NR1I3: variants seen among roughly 807,000 people sequenced by gnomAD.
NR1I3 encodes nuclear receptor subfamily 1 group I member 3, also known as constitutive activator of retinoid response.
Under a neutral mutation model 38.4 loss-of-function variants are expected in NR1I3, and 30 were observed. The observed-to-expected ratio is 0.78, with a 90% CI of 0.58 to 1.06. The LOEUF is 1.06. Among genes scored for constraint, NR1I3 ranks in the 50% least tolerant of loss-of-function variants. The pLI, the probability that NR1I3 is intolerant of heterozygous loss-of-function variation, is 0.00. For synonymous variants in NR1I3, 143 were observed against 165.1 expected, an observed-to-expected ratio of 0.87 and a Z score of 1.03; for missense variants, 388 against 435.7, an observed-to-expected ratio of 0.89 and a Z score of 0.97.
At chr1:161,230,771 C>G in intron 8 of NR1I3, 42 bp downstream of exon 8, 1 of 1,613,118 alleles carries the variant, frequency 6.2e-7, no homozygotes, top group African/African-American at 1.3e-5. Flanking sequence ...CAACCCCTTC[C>G]TGCCCTGGTG....
chr1:161,230,266 T>G (rs1284531721), intron 8 of NR1I3: 1 of 347,168 alleles, frequency 2.9e-6, no homozygotes, highest in East Asian at 6.7e-5. Context: ...ATGTGTTCTA[T>G]GGTATAAAGC....
Position 161,231,985 on chromosome 1 carries a change from C to G in NR1I3, c.549-511G>C, listed in dbSNP as rs138260592. 4.2e-3 allele frequency among the ~76,000 whole-genome samples: 641 copies of G among 151,348 alleles called. 5 individuals carry two copies. Among genetic ancestry groups the G allele is most frequent in the African/African-American group, 0.015 (621 of 41,242 alleles). On this transcript the variant is annotated intron_variant, in intron 5 of 8. Transcript: ENST00000367983. The stretch of plus-strand genomic sequence containing the variant: ...CCGACAAGGGCACCTTATTATTATT[C>G]TTATTAATTAATTTATTTTTGAGAC...
chr1:161,233,833 ATATATGTGTGTGTGTGTG>A (rs1228952441), intron 3 of NR1I3, among the ~76,000 whole-genome samples: 81 of 110,692 alleles, frequency 7.3e-4, no homozygotes, highest in African/African-American at 2.9e-3. Flanking sequence ...TTCATCATAT[ATATATGTGTGTGTGTGTG>A]TGTGTGTGTG....
At position 161,229,683 on chromosome 1, in the gene NR1I3, C is replaced by T. The variant is rs766275202; in HGVS notation, c.*114G>A. ...AGAGGCAGTTATTGCTTTAGTCTTT[C>T]ATTGCAACCACTGGGCTCCCTTTGA... On this transcript the variant is annotated 3_prime_UTR_variant, in exon 9 of 9. Coordinates refer to ENST00000367983, the MANE Select transcript of NR1I3 (RefSeq NM_005122.5). The T allele has an allele frequency of 1.2e-6, 2 of 1,614,032 alleles. No individual in the cohort carries two copies. The highest frequency in any genetic ancestry group is 1.7e-5 in the Admixed American group (1 of 60,034).
chr1:161,230,429 C>A, intron 8 of NR1I3: 1 of 400,226 alleles, frequency 2.5e-6, no homozygotes, highest in Non-Finnish European at 4.4e-6. Flanking sequence ...AATGAGAAAT[C>A]GAAGGAATTG....
intron 3 of NR1I3, among the ~76,000 whole-genome samples, chr1:161,234,110 A>G (rs1668078346): frequency 6.6e-6 from 1 of 151,378 alleles, no homozygotes; most frequent in Non-Finnish European, 1.5e-5. Context: ...TCCCTGCCTC[A>G]GCCTCCTGAC....
intron 2 of NR1I3, 60 bp downstream of exon 2, chr1:161,236,399 A>G: frequency 6.2e-7 from 1 of 1,602,318 alleles, no homozygotes; most frequent in East Asian, 2.2e-5. Context: ...GAGGGTGTAA[A>G]GGCTGACTAA....
intron 1 of NR1I3, among the ~76,000 whole-genome samples, 163 bp downstream of exon 1, chr1:161,237,878 T>C (rs1169322421): frequency 1.3e-5 from 2 of 151,632 alleles, no homozygotes; most frequent in Non-Finnish European, 2.9e-5. Context: ...AGAGATGGGG[T>C]CTGTTATGTA....
At chr1:161,231,068 T>A (rs747438927) in intron 7 of NR1I3, 49 bp downstream of exon 7, 1 of 1,614,020 alleles carries the variant, frequency 6.2e-7, no homozygotes, top group Admixed American at 1.7e-5. Context: ...GCTGAGTATT[T>A]GGGCAGAGGT....
rs1200543677 is a variant in NR1I3 at position 161,231,166 on chromosome 1, G to A, written c.762C>T (p.Leu254=). 1.2e-6 allele frequency: 2 copies of A among 1,614,114 alleles called. No homozygotes were observed. Among genetic ancestry groups the A allele is most frequent in the Non-Finnish European group, 1.7e-6 (2 of 1,180,028 alleles). ...HFHGTLRKLQ[L]QEPEYVLLAA... is the part of the protein sequence containing the mutation. ...CCAAGAGCACATACTCAGGCTCTTG[G>A]AGCTGCAGTTTTCGTAGTGTTCCAT... Residue 254 remains leucine (L), a synonymous_variant, in exon 7 of 9, where the codon CTC becomes CTT. Transcript: ENST00000367983.
intron 2 of NR1I3, 65 bp downstream of exon 2, chr1:161,236,394 T>A: frequency 6.4e-7 from 1 of 1,573,922 alleles, no homozygotes; most frequent in Non-Finnish European, 8.6e-7. Flanking sequence ...CCAGCGAGGG[T>A]GTAAAGGCTG....
intron 2 of NR1I3, 174 bp from the exon 3 acceptor site, chr1:161,236,151 C>A: frequency 2.7e-6 from 2 of 743,868 alleles, no homozygotes; most frequent in South Asian, 3.8e-5. Context: ...CATGGCAACA[C>A]AGGATCACTC....
rs1414817933 is a variant in NR1I3, at chr1:161,236,620, A to G, written c.-33-22T>C. 4 of 1,608,686 alleles carry G rather than the reference A, an allele frequency of 2.5e-6. No homozygotes were observed. The East Asian group carries it at 8.9e-5, about 36-fold the overall frequency. ...ACTCCTGAATGTAGGAGGGGTCAGC[A>G]GTCAGTTTTGGGCCACCCTTGACCC... is the stretch of plus-strand genomic sequence containing the variant. On this transcript the variant is annotated intron_variant, in intron 1 of 8. Transcript: ENST00000367983.
At chr1:161,236,916 T>A (rs1174493422) in intron 1 of NR1I3, among the ~76,000 whole-genome samples, 3 of 129,376 alleles carry the variant, frequency 2.3e-5, no homozygotes, top group African/African-American at 7.3e-5. Flanking sequence ...TATTTATTTA[T>A]TTTTTTTGTA....
At chr1:161,229,953 G>T in intron 8 of NR1I3, 27 bp from the exon 9 acceptor site, 1 of 1,613,656 alleles carries the variant, frequency 6.2e-7, no homozygotes, top group South Asian at 1.1e-5. Context: ...GGGGTTGCCA[G>T]GAAAACAGGA....
rs1188973240 is a variant in NR1I3, at chr1:161,237,047, G to A, written c.-33-449C>T. 2.0e-5 allele frequency among the ~76,000 whole-genome samples: 3 copies of A among 150,962 alleles called. No individual in the cohort carries two copies. The East Asian group carries it at 5.8e-4, about 29-fold the overall frequency. ...GTTGCCTAGTGTTGCCTAGGCTGGA[G>A]TGCATCATAGTTCAATGTAACCTCA... is the stretch of plus-strand genomic sequence containing the variant. On this transcript the variant is annotated intron_variant, in intron 1 of 8. Coordinates refer to ENST00000367983, the MANE Select transcript of NR1I3 (RefSeq NM_005122.5).
At chr1:161,232,265 C>A (rs1349776556) in intron 5 of NR1I3, among the ~76,000 whole-genome samples, 1 of 151,708 alleles carries the variant, frequency 6.6e-6, no homozygotes, top group East Asian at 1.9e-4. Flanking sequence ...GGATTACAGG[C>A]ATGAGCCACC....
intron 8 of NR1I3, chr1:161,230,552 G>C: frequency 1.7e-6 from 1 of 576,638 alleles, no homozygotes; most frequent in South Asian, 2.2e-5. Context: ...CTATTACCCA[G>C]AGCCTCTGAG....
chr1:161,236,292 T>C (rs1463045436), intron 2 of NR1I3, 167 bp downstream of exon 2: 4 of 782,116 alleles, frequency 5.1e-6, no homozygotes, highest in Admixed American at 2.9e-5. Context: ...CACCAGTTTA[T>C]ACAGTGATGT....
Sources: allele counts gnomAD v4.1 joint callset (sites outside exome capture counted in the v4.1 genomes callset), GRCh38; gene constraint gnomAD v4.1.1; transcripts MANE v1.5; gene names NCBI Gene and HGNC (gene_info 2026-07-23, HGNC 2026-07-21).